RBFOX1: variants seen among roughly 807,000 people sequenced by gnomAD.
The protein encoded by RBFOX1 is RNA binding protein fox-1 homolog 1.
RBFOX1 carries 8 observed loss-of-function variants against 57.7 expected under a neutral mutation model. The ratio of observed to expected loss-of-function variants is 0.14; its 90% confidence interval spans 0.08 to 0.25. RBFOX1 has a LOEUF of 0.25. Ranked by LOEUF, RBFOX1 falls within the 10% of genes least tolerant of loss-of-function variation. RBFOX1 has a pLI of 1.00. For synonymous variants in RBFOX1, 326 were observed against 222.4 expected (o/e 1.47, Z -4.15); for missense variants, 611 against 548.5 (o/e 1.11, Z -1.14).
intron 3 of RBFOX1, among the ~76,000 whole-genome samples, chr16:6,909,080 C>G (rs2070860624): frequency 6.6e-6 from 1 of 152,166 alleles, no homozygotes; most frequent in Non-Finnish European, 1.5e-5. Context: ...TAAAACAACA[C>G]AAATGTATTT....
rs530716003 is a variant in RBFOX1 at position 6,684,241 on chromosome 16, A to G, written c.-16+29591A>G. On this transcript the variant is annotated intron_variant, in intron 3 of 15. Transcript: ENST00000550418. Reference sequence around the variant, plus strand: ...ATGGAACTGGTGGGTTGCTGGTGTTAGAGGCTAATGTGGCCAGAAGATGGC... The same window carrying G: ...ATGGAACTGGTGGGTTGCTGGTGTTGGAGGCTAATGTGGCCAGAAGATGGC... 4.1e-4 allele frequency among the ~76,000 whole-genome samples: 63 copies of G among 152,332 alleles called. 2 individuals carry two copies. The South Asian group carries it at 0.012, about 29-fold the overall frequency.
At chr16:6,999,212 A>T (rs8046969) in intron 3 of RBFOX1, among the ~76,000 whole-genome samples, 70,021 of 116,110 alleles carry the variant, frequency 0.6, 21,416 homozygotes, top group East Asian at 0.86. Context: ...TTTTATTTTT[A>T]TTTATTTTTT....
intron 4 of RBFOX1, among the ~76,000 whole-genome samples, chr16:6,011,468 A>C (rs1440944072): frequency 6.6e-6 from 1 of 152,134 alleles, no homozygotes; most frequent in Non-Finnish European, 1.5e-5. Flanking sequence ...CTTGAGCTTA[A>C]GTTTGTAAGC....
chr16:6,746,666 G>C (rs903490483), intron 3 of RBFOX1, among the ~76,000 whole-genome samples: 1 of 150,806 alleles, frequency 6.6e-6, no homozygotes, highest in Admixed American at 6.6e-5. Flanking sequence ...TGACGAGTGA[G>C]ACACAGGTGT....
chr16:6,499,973 GA>G (rs2095867625), intron 2 of RBFOX1, among the ~76,000 whole-genome samples: 1 of 152,162 alleles, frequency 6.6e-6, no homozygotes, highest in Middle Eastern at 3.2e-3. Flanking sequence ...GCCGCCTCGT[GA>G]AGGGCTTTCA....
intron 1 of RBFOX1, among the ~76,000 whole-genome samples, chr16:5,436,993 A>G (rs2067938165): frequency 6.6e-6 from 1 of 152,164 alleles, no homozygotes; most frequent in African/African-American, 2.4e-5. Context: ...ACTGGCAGAA[A>G]GGGCTGTTGT....
chr16:5,558,051 A>G (rs573339947), intron 2 of RBFOX1, among the ~76,000 whole-genome samples: 95 of 152,254 alleles, frequency 6.2e-4, no homozygotes, highest in African/African-American at 2.0e-3. Context: ...TTCCCACTCT[A>G]TCCCCCGCTT....
intron 3 of RBFOX1, among the ~76,000 whole-genome samples, chr16:6,745,552 A>G (rs562374167): frequency 2.0e-5 from 3 of 152,224 alleles, no homozygotes; most frequent in African/African-American, 7.2e-5. Flanking sequence ...GAACTAACAC[A>G]ATTATTTTAA....
chr16:7,203,464 G>C (rs1250721450), intron 4 of RBFOX1, among the ~76,000 whole-genome samples: 1 of 152,202 alleles, frequency 6.6e-6, no homozygotes, highest in African/African-American at 2.4e-5. Flanking sequence ...TTATGGTGGT[G>C]ATGGTTGCAT....
chr16:5,580,032 A>G (rs1311782714), intron 2 of RBFOX1, among the ~76,000 whole-genome samples: 1 of 152,126 alleles, frequency 6.6e-6, no homozygotes, highest in Non-Finnish European at 1.5e-5. Flanking sequence ...TGGCCTCCCA[A>G]AGTGCTGGGA....
chr16:7,654,209 G>C (rs191864824), intron 12 of RBFOX1, among the ~76,000 whole-genome samples: 62 of 152,342 alleles, frequency 4.1e-4, no homozygotes, highest in Middle Eastern at 3.4e-3. Context: ...CTTTGAGACT[G>C]AATGCTGGAG....
At chr16:6,849,098 C>T (rs1235322879) in intron 3 of RBFOX1, among the ~76,000 whole-genome samples, 1 of 152,148 alleles carries the variant, frequency 6.6e-6, no homozygotes, top group Non-Finnish European at 1.5e-5. Flanking sequence ...ATGAGACGCT[C>T]CACATTTCTC....
intron 4 of RBFOX1, among the ~76,000 whole-genome samples, chr16:5,974,269 C>G (rs2060018420): frequency 6.6e-6 from 1 of 152,148 alleles, no homozygotes; most frequent in South Asian, 2.1e-4. Context: ...TCATGAATAA[C>G]TTGATAAAGC....
At chr16:6,610,892 T>G (rs1410837719) in intron 2 of RBFOX1, among the ~76,000 whole-genome samples, 1 of 152,224 alleles carries the variant, frequency 6.6e-6, no homozygotes, top group African/African-American at 2.4e-5. Context: ...TTGATATGCC[T>G]GTTCCACTGA....
intron 2 of RBFOX1, among the ~76,000 whole-genome samples, chr16:5,547,049 G>C (rs2045238536): frequency 6.6e-6 from 1 of 152,154 alleles, no homozygotes; most frequent in African/African-American, 2.4e-5. Flanking sequence ...ACCACAATGA[G>C]ATACCATTAT....
chr16:5,362,605 A>T (rs2065585123), intron 1 of RBFOX1, among the ~76,000 whole-genome samples: 1 of 152,118 alleles, frequency 6.6e-6, no homozygotes, highest in Non-Finnish European at 1.5e-5. Flanking sequence ...CAGGTGATCC[A>T]ACCATCTTGG....
intron 2 of RBFOX1, among the ~76,000 whole-genome samples, chr16:6,552,307 A>G (rs375541839): frequency 1.1e-4 from 16 of 152,262 alleles, no homozygotes; most frequent in African/African-American, 3.8e-4. Context: ...ATATCAGGAA[A>G]CCAATCATAC....
chr16:7,365,484 T>A (rs1038385291), intron 4 of RBFOX1, among the ~76,000 whole-genome samples: 1 of 151,648 alleles, frequency 6.6e-6, no homozygotes, highest in South Asian at 2.1e-4. Context: ...AAGGAGTGAT[T>A]TTTTTCCCCC....
chr16:5,849,881 C>G (rs1567622327), intron 3 of RBFOX1, among the ~76,000 whole-genome samples: 1 of 152,180 alleles, frequency 6.6e-6, no homozygotes. Flanking sequence ...AGCATGTTTT[C>G]AGCTACTCCC....
Sources: allele counts gnomAD v4.1 joint callset (sites outside exome capture counted in the v4.1 genomes callset), GRCh38; gene constraint gnomAD v4.1.1; transcripts MANE v1.5; gene names NCBI Gene and HGNC (gene_info 2026-07-23, HGNC 2026-07-21).